The following BGN variants were observed in gnomAD, a reference collection of about 807,000 sequenced individuals.
BGN encodes biglycan.
In BGN, 6 loss-of-function variants were observed where a neutral mutation model predicts 20.0. The observed-to-expected ratio is 0.30, with a 90% confidence interval of 0.16 to 0.59. The LOEUF is 0.59. BGN is among the 20% of genes least tolerant of loss of function. The probability of loss-of-function intolerance (pLI) is 0.88; values close to 1 mark genes in which losing one functional copy is unlikely to be tolerated. For missense variants in BGN, 292 were observed against 312.1 expected (o/e 0.94, Z 0.49); for synonymous variants, 146 against 134.6 (o/e 1.08, Z -0.59).
At position 153,507,065 on chromosome X, in the gene BGN, C is replaced by T. The variant is rs2089806726; in HGVS notation, c.789C>T (p.Asn263=). The change falls in exon 7 of 8, where the codon AAC becomes AAT. Residue 263 remains asparagine (N), a synonymous_variant. Coordinates refer to ENST00000331595, the MANE Select transcript of BGN (RefSeq NM_001711.6). ...SKLYRLGLGH[N]QIRMIENGSL... Reference sequence around the variant, plus strand: ...CTCACAGGCTGGGCCTAGGCCACAACCAGATCAGGATGATCGAGAACGGGA... The same window carrying T: ...CTCACAGGCTGGGCCTAGGCCACAATCAGATCAGGATGATCGAGAACGGGA... 1.7e-6 allele frequency: 2 copies of T among 1,210,444 alleles called. No individual in the cohort carries two copies. The highest frequency in any genetic ancestry group is 2.2e-6 in the Non-Finnish European group (2 of 894,686).
intron 1 of BGN, among the ~76,000 whole-genome samples, chrX:153,501,994 C>T (rs2089764035): frequency 8.9e-6 from 1 of 112,552 alleles, no homozygotes; most frequent in African/African-American, 3.2e-5. Context: ...GCCAGTCTTG[C>T]CGTGACTGGC....
At chrX:153,505,087 G>A in intron 2 of BGN, 151 bp from the exon 3 acceptor site, 1 of 565,336 alleles carries the variant, frequency 1.8e-6, no homozygotes. Context: ...TGTGTCCCCG[G>A]TCCTCCCTAC....
intron 1 of BGN, among the ~76,000 whole-genome samples, chrX:153,499,759 C>T (rs1019363317): frequency 8.0e-5 from 9 of 112,686 alleles, no homozygotes; most frequent in Non-Finnish European, 1.5e-4. Context: ...GAGCCATCGG[C>T]GGGGAGGGAC....
Position 153,505,268 on chromosome X carries a change from CT to C in BGN, c.270del (p.Asp91ThrfsTer32). 2 of 1,209,873 alleles carry C rather than the reference CT, an allele frequency of 1.7e-6. No homozygotes were observed. Among genetic ancestry groups the C allele is most frequent in the Non-Finnish European group, 2.2e-6 (2 of 894,063 alleles). ...AAGTCTGTGCCCAAAGAGATCTCCC[CT>C]GACACCACGCTGCTGGACCTGCAGA... ...GLKSVPKEIS[P>X]DTTLLDLQNN... On this transcript the variant is annotated frameshift_variant, in exon 3 of 8. Coordinates refer to ENST00000331595, the MANE Select transcript of BGN (RefSeq NM_001711.6). LOFTEE classifies it high-confidence loss of function.
chrX:153,505,848 C>T lies in BGN; in HGVS notation c.352-15C>T, dbSNP rs781855290. On this transcript the variant is annotated splice_polypyrimidine_tract_variant and intron_variant, in intron 3 of 7. Coordinates refer to ENST00000331595, the MANE Select transcript of BGN (RefSeq NM_001711.6). ...GGAGTCTGTGCCTTCACCTCCTCCGCCCACCCTGCTTCAGGCCCTCGTCCT... is the reference window on the plus strand; with the variant it reads ...GGAGTCTGTGCCTTCACCTCCTCCGTCCACCCTGCTTCAGGCCCTCGTCCT... 5.8e-6 allele frequency: 7 copies of T among 1,205,417 alleles called. No individual in the cohort carries two copies. The Admixed American group carries it at 1.5e-4, about 26-fold the overall frequency.
chrX:153,504,002 G>A (rs1433350643), intron 1 of BGN, among the ~76,000 whole-genome samples: 20 of 111,604 alleles, frequency 1.8e-4, no homozygotes, highest in Non-Finnish European at 3.2e-4. Flanking sequence ...GGCCTCCAAG[G>A]ATACCCCCTC....
At chrX:153,504,498 G>A (rs1021910300) in intron 1 of BGN, 123 bp from the exon 2 acceptor site, 8 of 584,320 alleles carry the variant, frequency 1.4e-5, no homozygotes. Context: ...TCCCGCTCCA[G>A]GGTCTGGCCG....
chrX:153,501,544 C>T (rs1556991890), intron 1 of BGN, among the ~76,000 whole-genome samples: 1 of 112,795 alleles, frequency 8.9e-6, no homozygotes, highest in Admixed American at 9.3e-5. Flanking sequence ...CAGGCCAGCT[C>T]CAGGGGATCC....
chrX:153,506,497 AGGCTCCCG>A, intron 4 of BGN, 24 bp from the exon 5 acceptor site: 1 of 1,172,971 alleles, frequency 8.5e-7, no homozygotes, highest in Non-Finnish European at 1.2e-6. Flanking sequence ...AGGGACCACC[AGGCTCCCG>A]GGCTAATGAG....
intron 1 of BGN, among the ~76,000 whole-genome samples, chrX:153,502,586 T>C (rs1047018920): frequency 6.2e-5 from 7 of 112,745 alleles, no homozygotes; most frequent in Non-Finnish European, 1.1e-4. Flanking sequence ...TGTTGAGCCT[T>C]CTCCCTACTT....
chrX:153,504,076 GGGAGGAA>G (rs1331989934), intron 1 of BGN, among the ~76,000 whole-genome samples: 1 of 112,221 alleles, frequency 8.9e-6, no homozygotes, highest in African/African-American at 3.2e-5. Context: ...GCAGGGTGGA[GGGAGGAA>G]GCAACTCAGA....
At chrX:153,507,262 A>G in intron 7 of BGN, 77 bp downstream of exon 7, 1 of 1,097,613 alleles carries the variant, frequency 9.1e-7, no homozygotes. Flanking sequence ...GCAGTCCCTC[A>G]GTCCCCTGGC....
Position 153,507,138 on chromosome X carries a change from A to C in BGN, c.862A>C (p.Lys288Gln), listed in dbSNP as rs1556993398. 8.3e-7 allele frequency: 1 copy of C among 1,204,841 alleles called. No individual in the cohort carries two copies. The highest frequency in any genetic ancestry group is 1.1e-6 in the Non-Finnish European group (1 of 892,579). The change falls in exon 7 of 8, where the codon AAG becomes CAG. Residue 288 changes from lysine (K) to glutamine (Q), a missense_variant. Lys to Gln is a moderately conservative substitution (Grantham distance 53). Coordinates refer to ENST00000331595, the MANE Select transcript of BGN (RefSeq NM_001711.6). ...CCGGGAGCTCCACTTGGACAACAACAAGTTGGCCAGGGTGCCCTCAGGGCT... is the reference window on the plus strand; with the variant it reads ...CCGGGAGCTCCACTTGGACAACAACCAGTTGGCCAGGGTGCCCTCAGGGCT... ...TLRELHLDNN[K>Q]LARVPSGLPD...
In BGN at chrX:153,505,274, C is replaced by A. The variant is rs782789915; in HGVS notation, c.275C>A (p.Thr92Asn). 8.3e-6 allele frequency: 10 copies of A among 1,208,218 alleles called. No homozygotes were observed. The highest frequency in any genetic ancestry group is 1.1e-5 in the Non-Finnish European group (10 of 893,859). The stretch of plus-strand genomic sequence containing the variant: ...GTGCCCAAAGAGATCTCCCCTGACA[C>A]CACGCTGCTGGACCTGCAGAACAAC... Reference protein sequence around the residue: ...KSVPKEISPDTTLLDLQNNDI... With the variant: ...KSVPKEISPDNTLLDLQNNDI... The change falls in exon 3 of 8, where the codon ACC becomes AAC. Residue 92 changes from threonine (T) to asparagine (N), a missense_variant. Thr to Asn is a moderately conservative substitution (Grantham distance 65). Coordinates refer to ENST00000331595, the MANE Select transcript of BGN (RefSeq NM_001711.6).
intron 5 of BGN, 24 bp downstream of exon 5, chrX:153,506,663 C>T (rs782431397): frequency 7.6e-6 from 9 of 1,183,402 alleles, no homozygotes; most frequent in Admixed American, 4.4e-5. Flanking sequence ...TCTTCCTGCA[C>T]GCCTGCCTGC....
rs1556993360 is a variant in BGN at position 153,507,028 on chromosome X, G to A, written c.771-19G>A. 8.3e-7 allele frequency: 1 copy of A among 1,210,211 alleles called. No homozygotes were observed. Among genetic ancestry groups the A allele is most frequent in the Non-Finnish European group, 1.1e-6 (1 of 894,183 alleles). On this transcript the variant is annotated intron_variant, in intron 6 of 7. Transcript: ENST00000331595. Reference sequence around the variant, plus strand: ...CCTTACCTCCAGCCTTTGAGTCCGTGTCATTCTCCCGCTCACAGGCTGGGC... The same window carrying A: ...CCTTACCTCCAGCCTTTGAGTCCGTATCATTCTCCCGCTCACAGGCTGGGC...
At chrX:153,500,494 C>G (rs781856192) in intron 1 of BGN, among the ~76,000 whole-genome samples, 3 of 111,978 alleles carry the variant, frequency 2.7e-5, no homozygotes, top group Non-Finnish European at 3.8e-5. Flanking sequence ...GAGGGACTTG[C>G]TGTGGGTCTC....
At chrX:153,505,515 CAT>C (rs1220098687) in intron 3 of BGN, 165 bp downstream of exon 3, 4 of 474,946 alleles carry the variant, frequency 8.4e-6, no homozygotes, top group African/African-American at 4.9e-5. Context: ...GCGGCTCACT[CAT>C]GTGGGTTTGA....
At chrX:153,496,215 C>T (rs2089713003) in intron 1 of BGN, among the ~76,000 whole-genome samples, 1 of 112,599 alleles carries the variant, frequency 8.9e-6, no homozygotes, top group Non-Finnish European at 1.9e-5. Context: ...GTTTCTGGGC[C>T]CTCGCCCCTC....
Sources: gnomAD v4.1 joint callset for allele counts (sites outside exome capture counted in the v4.1 genomes callset) on GRCh38, gnomAD v4.1.1 for gene constraint, MANE v1.5 for transcripts, NCBI Gene and HGNC (gene_info 2026-07-23, HGNC 2026-07-21) for gene names.